Variants in EYA4 observed in about 807,000 individuals in gnomAD.
The protein encoded by EYA4 is protein phosphatase EYA4.
Under a neutral mutation model 87.9 loss-of-function variants are expected in EYA4, and 31 were observed. That is an observed-to-expected ratio of 0.35 (90% CI 0.27 to 0.48). The LOEUF (loss-of-function observed/expected upper bound fraction) is 0.48, where lower values mean the gene tolerates loss of function less well. Among genes scored for constraint, EYA4 ranks in the 20% least tolerant of loss-of-function variants. EYA4 has a pLI of 0.99. For missense variants in EYA4, 678 were observed against 761.4 expected, an observed-to-expected ratio of 0.89 and a Z score of 1.29; for synonymous variants, 263 against 270.6, an observed-to-expected ratio of 0.97 and a Z score of 0.28.
chr6:133,299,814 C>T (rs922616216), intron 2 of EYA4, among the ~76,000 whole-genome samples: 30 of 151,320 alleles, frequency 2.0e-4, no homozygotes, highest in East Asian at 1.2e-3. Flanking sequence ...AATAGCACTG[C>T]GATTAGAAGT....
intron 2 of EYA4, among the ~76,000 whole-genome samples, chr6:133,286,504 T>G (rs1399789139): frequency 6.6e-6 from 1 of 152,198 alleles, no homozygotes; most frequent in Non-Finnish European, 1.5e-5. Flanking sequence ...TTTACATAGA[T>G]AGCTGCTTGA....
At chr6:133,446,839 A>G (rs1792891314) in intron 4 of EYA4, 85 bp downstream of exon 4, 1 of 1,175,954 alleles carries the variant, frequency 8.5e-7, no homozygotes, top group Admixed American at 1.7e-5. Flanking sequence ...TAATAAATAA[A>G]TATCTTATTA....
At chr6:133,267,799 A>G (rs1776348626) in intron 1 of EYA4, among the ~76,000 whole-genome samples, 1 of 152,192 alleles carries the variant, frequency 6.6e-6, no homozygotes, top group Non-Finnish European at 1.5e-5. Flanking sequence ...ATTGTCATGA[A>G]TTATTCTGTA....
chr6:133,385,793 G>A (rs1786698422), intron 3 of EYA4, among the ~76,000 whole-genome samples: 1 of 152,090 alleles, frequency 6.6e-6, no homozygotes, highest in South Asian at 2.1e-4. Flanking sequence ...TTCTTGCTTG[G>A]CCTTAATTCT....
At chr6:133,276,076 G>A (rs1394864348) in intron 2 of EYA4, among the ~76,000 whole-genome samples, 1 of 152,142 alleles carries the variant, frequency 6.6e-6, no homozygotes, top group Non-Finnish European at 1.5e-5. Flanking sequence ...CATGACTGTT[G>A]GAATCAGAAG....
intron 19 of EYA4, chr6:133,525,800 G>C: frequency 1.6e-6 from 1 of 627,044 alleles, no homozygotes; most frequent in Non-Finnish European, 2.0e-6. Flanking sequence ...GCTGAGGGCA[G>C]ATTTAATAGC....
At chr6:133,418,695 T>C (rs1464736070) in intron 3 of EYA4, among the ~76,000 whole-genome samples, 1 of 152,206 alleles carries the variant, frequency 6.6e-6, no homozygotes, top group African/African-American at 2.4e-5. Flanking sequence ...TGCTTTATAT[T>C]TTAGACAGAT....
At chr6:133,372,446 A>G (rs973821111) in intron 2 of EYA4, among the ~76,000 whole-genome samples, 1 of 139,306 alleles carries the variant, frequency 7.2e-6, no homozygotes, top group Non-Finnish European at 1.6e-5. Flanking sequence ...ATCTTTTTTT[A>G]TAACAATGGT....
chr6:133,245,039 A>G (rs1399335210), intron 1 of EYA4: 2 of 152,292 alleles, frequency 1.3e-5, no homozygotes, highest in Middle Eastern at 3.4e-3. Flanking sequence ...GTTAAGTGTT[A>G]AGTAATTTAA....
chr6:133,273,359 C>T (rs1776896662), intron 1 of EYA4, among the ~76,000 whole-genome samples: 1 of 151,892 alleles, frequency 6.6e-6, no homozygotes, highest in Non-Finnish European at 1.5e-5. Flanking sequence ...ATTGTGCCTG[C>T]CAGATTAAGG....
At chr6:133,273,926 T>A (rs138030238) in intron 1 of EYA4, among the ~76,000 whole-genome samples, 1 of 152,224 alleles carries the variant, frequency 6.6e-6, no homozygotes, top group African/African-American at 2.4e-5. Context: ...TGTGTGCGTG[T>A]ATGTGTTTTA....
Position 133,357,857 on chromosome 6 carries a change from G to GT in EYA4, c.34-24528dup, listed in dbSNP as rs576953803. Among the ~76,000 whole-genome samples the GT allele has an allele frequency of 5.3e-4, 80 of 151,862 alleles. 2 individuals carry two copies. In the South Asian group the frequency reaches 0.016, roughly 30 times the overall value. On this transcript the variant is annotated intron_variant, in intron 2 of 19. Coordinates refer to ENST00000355286, the MANE Select transcript of EYA4 (RefSeq NM_004100.5). ...GCTTGTTGTCATTTTGGGAAAAATA[G>GT]TTTTTTTATATATAATACTTATGTA...
At chr6:133,246,135 C>G (rs968911077) in intron 1 of EYA4, among the ~76,000 whole-genome samples, 1 of 152,156 alleles carries the variant, frequency 6.6e-6, no homozygotes, top group African/African-American at 2.4e-5. Flanking sequence ...CTGAGTCTCA[C>G]TGTAACCTTT....
At chr6:133,284,207 T>A (rs1288873711) in intron 2 of EYA4, among the ~76,000 whole-genome samples, 1 of 152,256 alleles carries the variant, frequency 6.6e-6, no homozygotes, top group Non-Finnish European at 1.5e-5. Context: ...GATTACAGAT[T>A]AATTGTACAA....
At chr6:133,349,687 G>T (rs1783484971) in intron 2 of EYA4, among the ~76,000 whole-genome samples, 2 of 151,328 alleles carry the variant, frequency 1.3e-5, no homozygotes, top group Admixed American at 1.3e-4. Context: ...TGTGGGGGCT[G>T]TAATAAACCA....
chr6:133,351,473 G>C (rs1009481326), intron 2 of EYA4, among the ~76,000 whole-genome samples: 6 of 152,114 alleles, frequency 3.9e-5, no homozygotes, highest in Non-Finnish European at 8.8e-5. Context: ...GTTATCCCCA[G>C]TACCCTGCCC....
intron 14 of EYA4, among the ~76,000 whole-genome samples, chr6:133,507,688 C>T (rs530968172): frequency 6.6e-6 from 1 of 152,272 alleles, no homozygotes; most frequent in African/African-American, 2.4e-5. Flanking sequence ...ATACATGTCC[C>T]TGCAAAGGAC....
chr6:133,355,398 C>T (rs772205774), intron 2 of EYA4, among the ~76,000 whole-genome samples: 16 of 152,148 alleles, frequency 1.1e-4, no homozygotes, highest in Non-Finnish European at 1.5e-4. Context: ...TATTGCAGCA[C>T]TATTCACAAT....
intron 2 of EYA4, among the ~76,000 whole-genome samples, chr6:133,346,603 T>A (rs1459644550): frequency 6.6e-6 from 1 of 152,222 alleles, no homozygotes; most frequent in Non-Finnish European, 1.5e-5. Context: ...AAATAACTGC[T>A]AATATTTATT....
Sources: allele counts gnomAD v4.1 joint callset (sites outside exome capture counted in the v4.1 genomes callset), GRCh38; gene constraint gnomAD v4.1.1; transcripts MANE v1.5; gene names NCBI Gene and HGNC (gene_info 2026-07-23, HGNC 2026-07-21).